Variants in BCAS3 observed in about 807,000 individuals in gnomAD.
BCAS3 encodes the protein BCAS4/BCAS3 fusion.
A neutral mutation model predicts 116.1 loss-of-function variants in BCAS3; 53 were observed. The ratio of observed to expected loss-of-function variants is 0.46; its 90% CI spans 0.37 to 0.57. BCAS3 has a LOEUF of 0.57. BCAS3 is among the 20% of genes least tolerant of loss of function. The probability of loss-of-function intolerance (pLI) is 0.00; values close to 1 mark genes in which losing one functional copy is unlikely to be tolerated. For missense variants in BCAS3, 917 were observed against 1,165.4 expected, an observed-to-expected ratio of 0.79 and a Z score of 3.10; for synonymous variants, 391 against 408.2, an observed-to-expected ratio of 0.96 and a Z score of 0.51.
At position 61,041,826 on chromosome 17, in the gene BCAS3, A is replaced by G. The variant is rs1200238662; in HGVS notation, c.2029+934A>G. ...CAATAGTTGGCAGTCTTGCTCTCTCATATTATTGTTGAACTCTCTGCTTTT... is the reference window on the plus strand; with the variant it reads ...CAATAGTTGGCAGTCTTGCTCTCTCGTATTATTGTTGAACTCTCTGCTTTT... On this transcript the variant is annotated intron_variant, in intron 19 of 23. Coordinates refer to ENST00000407086, the MANE Select transcript of BCAS3 (RefSeq NM_017679.5). This position sits in a 1 kb window ranked among gnomAD's most constrained non-coding sequence, Gnocchi z 4.7. Among the ~76,000 whole-genome samples the G allele has an allele frequency of 6.6e-6, 1 of 152,006 alleles. No individual in the cohort carries two copies. The highest frequency in any genetic ancestry group is 2.4e-5 in the African/African-American group (1 of 41,428).
In BCAS3 at chr17:61,126,378, T is replaced by A. The variant is rs1268102808; in HGVS notation, c.2425+41814T>A. On this transcript the variant is annotated intron_variant, in intron 22 of 23. Coordinates refer to ENST00000407086, the MANE Select transcript of BCAS3 (RefSeq NM_017679.5). The surrounding 1 kb of genome is among the most constrained non-coding windows in gnomAD (Gnocchi z 4.6). ...GACATTAGAAAAAAAGAGCAGTGTATATGTGTCATGTTATCGCACGTGAAC... is the reference window on the plus strand; with the variant it reads ...GACATTAGAAAAAAAGAGCAGTGTAAATGTGTCATGTTATCGCACGTGAAC... 4.6e-5 allele frequency among the ~76,000 whole-genome samples: 7 copies of A among 152,192 alleles called. No individual in the cohort carries two copies. The highest frequency in any genetic ancestry group is 1.7e-4 in the African/African-American group (7 of 41,472).
chr17:61,300,203 A>G lies in BCAS3; in HGVS notation c.2426-68124A>G, dbSNP rs552489757. ...GGACAAAACAGCCAGCCAGTCTTCT[A>G]TGAGAAAGATGTCACTTGCCACATA... On this transcript the variant is annotated intron_variant, in intron 22 of 23. Transcript: ENST00000407086. This position sits in a 1 kb window ranked among gnomAD's most constrained non-coding sequence, Gnocchi z 5.1. 1.3e-5 allele frequency among the ~76,000 whole-genome samples: 2 copies of G among 152,342 alleles called. No homozygotes were observed. The highest frequency in any genetic ancestry group is 1.9e-4 in the East Asian group (1 of 5,186).
intron 22 of BCAS3, among the ~76,000 whole-genome samples, chr17:61,358,657 A>G (rs1350283490): frequency 6.6e-6 from 1 of 151,754 alleles, no homozygotes; most frequent in Non-Finnish European, 1.5e-5. Flanking sequence ...ATGCACCACC[A>G]TGCCTGGCTA....
At chr17:61,170,434 G>A (rs112524165) in intron 22 of BCAS3, among the ~76,000 whole-genome samples, 10 of 151,492 alleles carry the variant, frequency 6.6e-5, no homozygotes, top group African/African-American at 9.7e-5. Context: ...CTGGGACTAC[G>A]GGTGCCCACC....
chr17:61,066,983 C>G (rs2070695427), intron 19 of BCAS3, among the ~76,000 whole-genome samples: 1 of 151,376 alleles, frequency 6.6e-6, no homozygotes. Flanking sequence ...TACTTTGTAC[C>G]TATAGTTTAG....
At chr17:60,867,532 A>T (rs1186575430) in intron 7 of BCAS3, among the ~76,000 whole-genome samples, 1 of 152,176 alleles carries the variant, frequency 6.6e-6, no homozygotes, top group Non-Finnish European at 1.5e-5. Context: ...TTTTAAAAAA[A>T]TTTTACTAAT....
chr17:61,015,869 A>C lies in BCAS3; in HGVS notation c.1605A>C (p.Pro535=). 6.2e-7 allele frequency: 1 copy of C among 1,614,136 alleles called. No individual in the cohort carries two copies. The highest frequency in any genetic ancestry group is 8.5e-7 in the Non-Finnish European group (1 of 1,179,992). ...VVMPLAQIKQ[P]MTLGTITKRT... ...TGCCTCTTGCACAAATCAAGCAGCC[A>C]ATGACATTGGGGACCATCACCAAAC... is the stretch of plus-strand genomic sequence containing the variant. Residue 535 remains proline, a synonymous_variant, in exon 16 of 24, where the codon CCA becomes CCC. Coordinates refer to ENST00000407086, the MANE Select transcript of BCAS3 (RefSeq NM_017679.5).
In BCAS3 at chr17:61,078,629, G is replaced by C; in HGVS notation, c.2327+100G>C. The C allele has an allele frequency of 3.0e-6, 3 of 1,013,072 alleles. No individual in the cohort carries two copies. The Admixed American group carries it at 7.3e-5, about 25-fold the overall frequency. The allele number at this position is 1,013,072 out of a possible 1,614,324, so 62.8% of individuals were successfully genotyped here. ...TATTTAGGTTTCCCCTTTTGGCACA[G>C]TATCATGTTGCAGACTACATGTACT... On this transcript the variant is annotated intron_variant, in intron 21 of 23. Coordinates refer to ENST00000407086, the MANE Select transcript of BCAS3 (RefSeq NM_017679.5).
intron 7 of BCAS3, among the ~76,000 whole-genome samples, chr17:60,856,681 A>G (rs2053701992): frequency 6.6e-6 from 1 of 152,048 alleles, no homozygotes; most frequent in Admixed American, 6.6e-5. Flanking sequence ...ATACAGCCAG[A>G]CTGTCTCCAA....
intron 7 of BCAS3, among the ~76,000 whole-genome samples, chr17:60,814,405 T>C (rs2049174995): frequency 6.7e-6 from 1 of 148,940 alleles, no homozygotes; most frequent in African/African-American, 2.6e-5. Flanking sequence ...CTACCTTTAT[T>C]TTTTTTTATC....
intron 22 of BCAS3, among the ~76,000 whole-genome samples, chr17:61,242,968 A>G (rs1602140558): frequency 6.6e-6 from 1 of 151,738 alleles, no homozygotes; most frequent in African/African-American, 2.4e-5. Flanking sequence ...TTGGAGTGCA[A>G]TGGTGCGATC....
At position 61,379,472 on chromosome 17, in the gene BCAS3, CAAG is replaced by C. The variant is rs1180714987; in HGVS notation, c.2593+10982_2593+10984del. ...TCCTAGAAGCCATAGAGCACTGTAC[CAAG>C]AAGGCCAAGCCAAGCCCATCCGATT... On this transcript the variant is annotated intron_variant, in intron 23 of 23. Coordinates refer to ENST00000407086, the MANE Select transcript of BCAS3 (RefSeq NM_017679.5). The surrounding 1 kb of genome is among the most constrained non-coding windows in gnomAD (Gnocchi z 5.5). The C allele has an allele frequency of 1.3e-5, 2 of 152,168 alleles. No individual in the cohort carries two copies. Among genetic ancestry groups the C allele is most frequent in the South Asian group, 2.1e-4 (1 of 4,826 alleles). The allele number at this position is 152,168 out of a possible 1,614,324, so 9.4% of individuals were successfully genotyped here.
intron 22 of BCAS3, among the ~76,000 whole-genome samples, chr17:61,273,062 A>G (rs2050444951): frequency 1.3e-5 from 2 of 151,858 alleles, no homozygotes; most frequent in African/African-American, 2.4e-5. Flanking sequence ...TATGCTAGCT[A>G]GAATTCTCTT....
Position 61,087,115 on chromosome 17 carries a change from A to G in BCAS3, c.2425+2551A>G. ...AGATTCTTCTGTTAAAAAGAATCTA[A>G]TAAATTTTTATAATTGCTCTTGAAC... On this transcript the variant is annotated intron_variant, in intron 22 of 23. Coordinates refer to ENST00000407086, the MANE Select transcript of BCAS3 (RefSeq NM_017679.5). This position sits in a 1 kb window ranked among gnomAD's most constrained non-coding sequence, Gnocchi z 4.6. The G allele has an allele frequency of 5.1e-6, 5 of 984,606 alleles. No individual in the cohort carries two copies. The highest frequency in any genetic ancestry group is 6.0e-6 in the Non-Finnish European group (5 of 829,148). 61.0% of individuals were successfully genotyped at this position (984,606 alleles called of 1,614,324 possible).
intron 13 of BCAS3, among the ~76,000 whole-genome samples, chr17:60,944,455 A>G (rs762427660): frequency 1.3e-5 from 2 of 152,116 alleles, no homozygotes; most frequent in African/African-American, 4.8e-5. Flanking sequence ...TAACGAAGAA[A>G]TAATAGCAAT....
At chr17:61,133,815 G>A (rs2076465580) in intron 22 of BCAS3, among the ~76,000 whole-genome samples, 1 of 136,842 alleles carries the variant, frequency 7.3e-6, no homozygotes. Context: ...GAATTGGAAG[G>A]GTGCTTTCTG....
chr17:61,110,023 T>C (rs1220713440), intron 22 of BCAS3, among the ~76,000 whole-genome samples: 1 of 152,254 alleles, frequency 6.6e-6, no homozygotes, highest in Non-Finnish European at 1.5e-5. Flanking sequence ...CCTAAGCCAA[T>C]GTCTAGAAGG....
At chr17:61,064,581 T>A (rs1041143206) in intron 19 of BCAS3, among the ~76,000 whole-genome samples, 75 of 152,204 alleles carry the variant, frequency 4.9e-4, no homozygotes, top group African/African-American at 1.8e-3. Flanking sequence ...TATGATACTG[T>A]GGGGGTACAG....
chr17:60,811,244 C>T (rs1003868462), intron 7 of BCAS3: 3 of 897,556 alleles, frequency 3.3e-6, no homozygotes, highest in Non-Finnish European at 5.2e-6. Flanking sequence ...GGGACAGCGC[C>T]AGGCCCAGGA....
Sources: allele counts gnomAD v4.1 joint callset (sites outside exome capture counted in the v4.1 genomes callset), GRCh38; gene constraint gnomAD v4.1.1; non-coding constraint Gnocchi (gnomAD v3.1); transcripts MANE v1.5; gene names NCBI Gene and HGNC (gene_info 2026-07-23, HGNC 2026-07-21).